Variants in ARHGAP24 observed in about 807,000 individuals in gnomAD.
The protein encoded by ARHGAP24 is rho GTPase-activating protein 24.
A neutral mutation model predicts 76.4 loss-of-function variants in ARHGAP24; 50 were observed. The observed-to-expected ratio is 0.65, with a 90% CI of 0.52 to 0.83. ARHGAP24 has a LOEUF of 0.83. ARHGAP24 is among the 40% of genes least tolerant of loss of function. The probability of loss-of-function intolerance (pLI) is 0.00; values close to 1 mark genes in which losing one functional copy is unlikely to be tolerated. For missense variants in ARHGAP24, 930 were observed against 914.2 expected, an observed-to-expected ratio of 1.02 and a Z score of -0.22; for synonymous variants, 345 against 323.3, an observed-to-expected ratio of 1.07 and a Z score of -0.72.
intron 1 of ARHGAP24, among the ~76,000 whole-genome samples, chr4:85,515,385 G>C (rs1317511926): frequency 4.1e-5 from 5 of 122,800 alleles, no homozygotes; most frequent in African/African-American, 3.1e-5. Flanking sequence ...TTTTTTTTTG[G>C]CATGGGGGGA....
intron 1 of ARHGAP24, among the ~76,000 whole-genome samples, chr4:85,555,323 T>C (rs1253292498): frequency 1.3e-5 from 2 of 152,206 alleles, no homozygotes; most frequent in Non-Finnish European, 2.9e-5. Flanking sequence ...CTTTTCAGGA[T>C]GTTTTTGGAG....
intron 1 of ARHGAP24, among the ~76,000 whole-genome samples, chr4:85,536,786 A>G (rs959680349): frequency 1.3e-5 from 2 of 152,158 alleles, no homozygotes; most frequent in Non-Finnish European, 2.9e-5. Context: ...ACTGTTAATG[A>G]TAAATTCTCA....
intron 2 of ARHGAP24, among the ~76,000 whole-genome samples, chr4:85,608,334 CA>C (rs1720270639): frequency 1.3e-5 from 2 of 152,056 alleles, no homozygotes; most frequent in South Asian, 4.1e-4. Flanking sequence ...ATAAAGGCAA[CA>C]AGTTGAATGT....
At chr4:85,612,784 T>C (rs2109997236) in intron 2 of ARHGAP24, among the ~76,000 whole-genome samples, 1 of 138,018 alleles carries the variant, frequency 7.2e-6, no homozygotes, top group East Asian at 2.5e-4. Context: ...GCCCTATCCT[T>C]TCCATTCCTT....
At chr4:85,544,112 C>G (rs1243376127) in intron 1 of ARHGAP24, among the ~76,000 whole-genome samples, 1 of 152,166 alleles carries the variant, frequency 6.6e-6, no homozygotes, top group African/African-American at 2.4e-5. Flanking sequence ...ATTGTCTTCC[C>G]AGTTTCTGAG....
chr4:85,712,247 G>T (rs1357493373), intron 2 of ARHGAP24, among the ~76,000 whole-genome samples: 1 of 152,100 alleles, frequency 6.6e-6, no homozygotes, highest in African/African-American at 2.4e-5. Context: ...AGAGGGTGGG[G>T]TCAGAAAGGA....
At chr4:85,495,565 A>AT (rs1322011407) in intron 1 of ARHGAP24, among the ~76,000 whole-genome samples, 66 of 151,506 alleles carry the variant, frequency 4.4e-4, no homozygotes, top group African/African-American at 1.5e-3. Context: ...GTTAGCCAGG[A>AT]TGGGTCTCAA....
At chr4:85,869,694 T>C (rs1182722618) in intron 3 of ARHGAP24, among the ~76,000 whole-genome samples, 1 of 152,192 alleles carries the variant, frequency 6.6e-6, no homozygotes, top group African/African-American at 2.4e-5. Context: ...CATTTTGTTT[T>C]TCTTTTATAG....
chr4:85,799,526 C>T (rs1728495895), intron 3 of ARHGAP24, among the ~76,000 whole-genome samples: 1 of 152,018 alleles, frequency 6.6e-6, no homozygotes. Flanking sequence ...AATATTCTTT[C>T]TTATAGAAAA....
chr4:85,580,530 A>G (rs376563648), intron 2 of ARHGAP24, among the ~76,000 whole-genome samples: 15 of 152,112 alleles, frequency 9.9e-5, no homozygotes, highest in African/African-American at 3.6e-4. Flanking sequence ...AAATCCATAC[A>G]TGGTTGCCAT....
chr4:85,546,070 C>G (rs1047698530), intron 1 of ARHGAP24, among the ~76,000 whole-genome samples: 4 of 152,042 alleles, frequency 2.6e-5, no homozygotes, highest in Admixed American at 6.5e-5. Context: ...CTTAGTTTCC[C>G]TGCCTATAAA....
chr4:85,547,149 T>G (rs1433699959), intron 1 of ARHGAP24, among the ~76,000 whole-genome samples: 1 of 152,190 alleles, frequency 6.6e-6, no homozygotes, highest in Non-Finnish European at 1.5e-5. Flanking sequence ...TCTCTGTTTG[T>G]TTTTTGGCTC....
At chr4:85,811,990 A>G (rs1295292822) in intron 3 of ARHGAP24, among the ~76,000 whole-genome samples, 1 of 152,154 alleles carries the variant, frequency 6.6e-6, no homozygotes, top group Non-Finnish European at 1.5e-5. Flanking sequence ...AGTCTGACCC[A>G]TATGGTGAAA....
chr4:85,491,231 T>A (rs774180432), intron 1 of ARHGAP24, among the ~76,000 whole-genome samples: 1 of 152,210 alleles, frequency 6.6e-6, no homozygotes. Flanking sequence ...TCATAATTAA[T>A]GATTGGTTTT....
At chr4:85,577,765 A>G (rs895234655) in intron 2 of ARHGAP24, among the ~76,000 whole-genome samples, 4 of 152,198 alleles carry the variant, frequency 2.6e-5, no homozygotes, top group African/African-American at 9.7e-5. Context: ...TTCAAGGTTC[A>G]GGGAGAGCTT....
At chr4:85,531,023 G>A (rs1725235813) in intron 1 of ARHGAP24, among the ~76,000 whole-genome samples, 1 of 151,960 alleles carries the variant, frequency 6.6e-6, no homozygotes, top group Non-Finnish European at 1.5e-5. Flanking sequence ...AAGCCAGATG[G>A]CTGATTTTCT....
At chr4:85,899,819 A>C (rs1219483885) in intron 3 of ARHGAP24, among the ~76,000 whole-genome samples, 2 of 152,220 alleles carry the variant, frequency 1.3e-5, no homozygotes, top group Admixed American at 1.3e-4. Flanking sequence ...AAGCAGAGGC[A>C]AGGGGATGAC....
At chr4:85,947,087 G>A (rs1025598028) in intron 5 of ARHGAP24, among the ~76,000 whole-genome samples, 1 of 152,114 alleles carries the variant, frequency 6.6e-6, no homozygotes. Flanking sequence ...GATTGGTGAT[G>A]ATGAGCATTT....
intron 2 of ARHGAP24, among the ~76,000 whole-genome samples, chr4:85,658,371 T>G (rs1722256190): frequency 6.6e-6 from 1 of 152,146 alleles, no homozygotes; most frequent in Non-Finnish European, 1.5e-5. Context: ...TAAAAACCAA[T>G]TAAAAGAGCT....
Sources: allele counts gnomAD v4.1 joint callset (sites outside exome capture counted in the v4.1 genomes callset), GRCh38; gene constraint gnomAD v4.1.1; transcripts MANE v1.5; gene names NCBI Gene and HGNC (gene_info 2026-07-23, HGNC 2026-07-21).